Variants in CACNA1A observed in about 807,000 individuals in gnomAD.
CACNA1A encodes voltage-dependent P/Q-type calcium channel subunit alpha-1A.
A neutral mutation model predicts 262.4 loss-of-function variants in CACNA1A; 57 were observed. That is an observed-to-expected ratio of 0.22 (90% CI 0.18 to 0.27). CACNA1A has a LOEUF of 0.27. Ranked by LOEUF, CACNA1A falls within the 10% of genes least tolerant of loss-of-function variation. The pLI is 1.00. For synonymous variants in CACNA1A, 1,431 were observed against 1,419.3 expected (o/e 1.01, Z -0.18); for missense variants, 2,526 against 3,562.8 (o/e 0.71, Z 7.41).
At chr19:13,275,806 G>A in intron 24 of CACNA1A, 44 bp downstream of exon 24, 1 of 1,327,546 alleles carries the variant, frequency 7.5e-7, no homozygotes, top group African/African-American at 1.4e-5. Context: ...CAGGCTGGGG[G>A]TTGGGGGAAA....
At chr19:13,409,905 G>A (rs2060079699) in intron 3 of CACNA1A, among the ~76,000 whole-genome samples, 1 of 152,100 alleles carries the variant, frequency 6.6e-6, no homozygotes, top group Non-Finnish European at 1.5e-5. Context: ...AGAACTTGTT[G>A]TTTGCAGTAA....
chr19:13,406,509 A>ATATATTTGTATG (rs1487889235), intron 3 of CACNA1A, among the ~76,000 whole-genome samples: 1 of 109,658 alleles, frequency 9.1e-6, no homozygotes, highest in Non-Finnish European at 1.9e-5. Flanking sequence ...ATATATATAT[A>ATATATTTGTATG]TATGAAGGGA....
At chr19:13,297,889 C>T (rs1193294768) in intron 19 of CACNA1A, among the ~76,000 whole-genome samples, 1 of 149,634 alleles carries the variant, frequency 6.7e-6, no homozygotes, top group African/African-American at 2.5e-5. Flanking sequence ...TGTGATGGCA[C>T]GATCTCAGCT....
rs867520823 is a variant in CACNA1A, at chr19:13,212,312, G to C, written c.6189+72C>G. The C allele has an allele frequency of 1.2e-4, 181 of 1,565,020 alleles. 6 individuals carry two copies. In the Middle Eastern group the frequency reaches 9.2e-3, roughly 80 times the overall value. On this transcript the variant is annotated intron_variant, in intron 42 of 46. Coordinates refer to ENST00000360228, the MANE Select transcript of CACNA1A (RefSeq NM_001127222.2). The surrounding 1 kb of genome is among the most constrained non-coding windows in gnomAD (Gnocchi z 5.6). ...AGGGAGCTGCAGGTGTGTGTGTGTGGGGGGCCCAGATCCCTTCCACCTGAA... is the reference window on the plus strand; with the variant it reads ...AGGGAGCTGCAGGTGTGTGTGTGTGCGGGGCCCAGATCCCTTCCACCTGAA...
chr19:13,255,216 C>A lies in CACNA1A; in HGVS notation c.4634G>T (p.Arg1545Leu), dbSNP rs775048630. ...DFAISAKPLTRHMPQNKQSFQ... is the reference protein window; with the variant it reads ...DFAISAKPLTLHMPQNKQSFQ... ...GCTCTGCTTGTTCTGCGGCATGTGT[C>A]GGGTCAGCGGCTTGGCGCTGATGGC... Residue 1545 changes from arginine to leucine, a missense_variant, in exon 29 of 47, where the codon CGA becomes CTA. By Grantham distance (102) the Arg-to-Leu change is moderately radical. Transcript: ENST00000360228. 9 of 1,610,002 alleles carry A rather than the reference C, an allele frequency of 5.6e-6. No homozygotes were observed. Among genetic ancestry groups the A allele is most frequent in the Non-Finnish European group, 8.5e-7 (1 of 1,176,778 alleles).
At chr19:13,355,976 C>T (rs1300880679) in intron 6 of CACNA1A, among the ~76,000 whole-genome samples, 4 of 152,120 alleles carry the variant, frequency 2.6e-5, no homozygotes, top group Admixed American at 6.6e-5. Flanking sequence ...CATCCCTGGG[C>T]GAGAAGCTGT....
intron 3 of CACNA1A, among the ~76,000 whole-genome samples, chr19:13,403,297 AG>A (rs1378099804): frequency 6.6e-6 from 1 of 152,086 alleles, no homozygotes; most frequent in African/African-American, 2.4e-5. Flanking sequence ...ACATTCTAAG[AG>A]GTTTATACAT....
intron 1 of CACNA1A, among the ~76,000 whole-genome samples, chr19:13,494,060 T>C (rs965239034): frequency 2.0e-5 from 3 of 152,252 alleles, no homozygotes; most frequent in Non-Finnish European, 4.4e-5. Flanking sequence ...GGTACTGAAA[T>C]AGTAGACATA....
chr19:13,447,048 A>G (rs1478645410), intron 3 of CACNA1A, among the ~76,000 whole-genome samples: 1 of 152,238 alleles, frequency 6.6e-6, no homozygotes, highest in Non-Finnish European at 1.5e-5. Context: ...TACCAGAGAA[A>G]TAAGAGCAAG....
intron 24 of CACNA1A, among the ~76,000 whole-genome samples, chr19:13,264,766 C>A (rs1019051193): frequency 1.3e-5 from 2 of 152,162 alleles, no homozygotes; most frequent in African/African-American, 4.8e-5. Flanking sequence ...CTCCTATGTG[C>A]TATTTCGGAG....
At chr19:13,355,248 A>G (rs2058988914) in intron 6 of CACNA1A, among the ~76,000 whole-genome samples, 1 of 152,112 alleles carries the variant, frequency 6.6e-6, no homozygotes, top group African/African-American at 2.4e-5. Flanking sequence ...AATCCCAAAG[A>G]TTGTGGGAAA....
At chr19:13,448,761 TG>T (rs1274426621) in intron 3 of CACNA1A, among the ~76,000 whole-genome samples, 2 of 152,160 alleles carry the variant, frequency 1.3e-5, no homozygotes, top group Non-Finnish European at 2.9e-5. Context: ...AGCCCAAAGC[TG>T]GAAACAATCC....
intron 3 of CACNA1A, among the ~76,000 whole-genome samples, chr19:13,395,972 A>G (rs1231879990): frequency 6.6e-6 from 1 of 152,244 alleles, no homozygotes; most frequent in Non-Finnish European, 1.5e-5. Context: ...TTGTTCAATC[A>G]TATTTCTACA....
At chr19:13,228,799 A>G in intron 36 of CACNA1A, 1 of 1,530,826 alleles carries the variant, frequency 6.5e-7, no homozygotes, top group Admixed American at 1.8e-5. Flanking sequence ...CCGACCGCTG[A>G]AAGGAGAAGA....
chr19:13,411,524 T>C (rs543681763), intron 3 of CACNA1A, among the ~76,000 whole-genome samples: 40 of 152,334 alleles, frequency 2.6e-4, no homozygotes, highest in Non-Finnish European at 5.3e-4. Context: ...GCCATGGTTG[T>C]GAGGCCTCCC....
chr19:13,334,157 T>A, intron 8 of CACNA1A: 1 of 522,294 alleles, frequency 1.9e-6, no homozygotes, highest in South Asian at 2.8e-5. Context: ...AGCGTCTGAT[T>A]TCAGAATTCA....
intron 3 of CACNA1A, among the ~76,000 whole-genome samples, chr19:13,417,908 A>G (rs2060251103): frequency 6.8e-6 from 1 of 146,200 alleles, no homozygotes; most frequent in Non-Finnish European, 1.5e-5. Context: ...AAAAAAAAAA[A>G]GAGAACCATA....
intron 3 of CACNA1A, among the ~76,000 whole-genome samples, chr19:13,427,383 C>A (rs12978924): frequency 6.6e-6 from 1 of 151,576 alleles, no homozygotes; most frequent in Non-Finnish European, 1.5e-5. Context: ...ACCCAGGAGG[C>A]GGAGGTTGCA....
Position 13,384,839 on chromosome 19 carries a change from C to T in CACNA1A, c.540-13060G>A, listed in dbSNP as rs148297523. On this transcript the variant is annotated intron_variant, in intron 3 of 46. Coordinates refer to ENST00000360228, the MANE Select transcript of CACNA1A (RefSeq NM_001127222.2). The stretch of plus-strand genomic sequence containing the variant: ...ATGAAGAATGCATTTCATACGGCAT[C>T]AGGGTCACGTCAGTCTTGCGGGGGC... Among the ~76,000 whole-genome samples the T allele has an allele frequency of 1.2e-3, 179 of 152,244 alleles. 1 individual carries two copies. Among genetic ancestry groups the T allele is most frequent in the African/African-American group, 4.2e-3 (175 of 41,554 alleles).
Sources: gnomAD v4.1 joint callset for allele counts (sites outside exome capture counted in the v4.1 genomes callset) on GRCh38, gnomAD v4.1.1 for gene constraint, Gnocchi (gnomAD v3.1) non-coding constraint, MANE v1.5 for transcripts, NCBI Gene and HGNC (gene_info 2026-07-23, HGNC 2026-07-21) for gene names.